GAP43: variants seen among roughly 807,000 people sequenced by gnomAD.
GAP43 encodes the protein growth associated protein 43.
GAP43 carries 6 observed loss-of-function variants against 18.6 expected under a neutral mutation model. That is an observed-to-expected ratio of 0.32 (90% confidence interval 0.18 to 0.64). GAP43 has a LOEUF of 0.64. GAP43 is among the 30% of genes least tolerant of loss of function. GAP43 has a pLI of 0.78. For synonymous variants in GAP43, 115 were observed against 111.4 expected (o/e 1.03, Z -0.20); for missense variants, 292 against 295.5 (o/e 0.99, Z 0.09).
At position 115,644,491 on chromosome 3, in the gene GAP43, C is replaced by T. The variant is rs1036785262; in HGVS notation, c.30+20772C>T. Among the ~76,000 whole-genome samples the T allele has an allele frequency of 9.2e-5, 14 of 151,994 alleles. No individual in the cohort carries two copies. Among genetic ancestry groups the T allele is most frequent in the Admixed American group, 2.6e-4 (4 of 15,230 alleles). ...AGAGCATCCATTCCACACCCTATTT[C>T]CATTCCCAGTTAATCTTCAAAGAGT... On this transcript the variant is annotated intron_variant, in intron 1 of 2. Coordinates refer to ENST00000305124, the MANE Select transcript of GAP43 (RefSeq NM_002045.4). The surrounding 1 kb of genome is among the most constrained non-coding windows in gnomAD (Gnocchi z 4.2).
intron 1 of GAP43, among the ~76,000 whole-genome samples, chr3:115,669,932 C>T (rs529980317): frequency 3.3e-4 from 50 of 151,006 alleles, no homozygotes; most frequent in African/African-American, 9.2e-4. Context: ...TTGGGGGATC[C>T]GGTGTATGCC....
In GAP43 at chr3:115,633,024, G is replaced by A. The variant is rs80346594; in HGVS notation, c.30+9305G>A. ...CTATAAAAGGAATTTATTGGAAAAA[G>A]AAAAAAAGCAGCGATCATATGAAAT... On this transcript the variant is annotated intron_variant, in intron 1 of 2. Transcript: ENST00000305124. Among the ~76,000 whole-genome samples, 67 of 90,128 alleles carry A rather than the reference G, an allele frequency of 7.4e-4. 1 individual carries two copies. The highest frequency in any genetic ancestry group is 9.9e-4 in the African/African-American group (25 of 25,364). The allele number at this position is 90,128 out of a possible 152,430, so 59.1% of individuals were successfully genotyped here.
intron 1 of GAP43, among the ~76,000 whole-genome samples, chr3:115,662,670 G>A (rs1355497535): frequency 1.3e-5 from 2 of 152,152 alleles, no homozygotes; most frequent in Non-Finnish European, 2.9e-5. Flanking sequence ...AGAGTCTCCA[G>A]GACTTTTTAT....
At chr3:115,708,840 A>G (rs892719563) in intron 2 of GAP43, among the ~76,000 whole-genome samples, 10 of 152,032 alleles carry the variant, frequency 6.6e-5, no homozygotes, top group Admixed American at 2.6e-4. Flanking sequence ...AGCATCTACT[A>G]CAAGGAATGT....
At chr3:115,637,527 T>C (rs897037522) in intron 1 of GAP43, among the ~76,000 whole-genome samples, 1 of 152,096 alleles carries the variant, frequency 6.6e-6, no homozygotes, top group Admixed American at 6.6e-5. Context: ...TTTTTTCCCA[T>C]GCTTGGCTTC....
rs1437161926 is a variant in GAP43, at chr3:115,679,943, C to T, written c.628+3333C>T. On this transcript the variant is annotated intron_variant, in intron 2 of 2. Coordinates refer to ENST00000305124, the MANE Select transcript of GAP43 (RefSeq NM_002045.4). Reference sequence around the variant, plus strand: ...AGTACATCTTGCAAATTGATGCCATCAGTAATGATCAAGAAAAGAGGGAGG... The same window carrying T: ...AGTACATCTTGCAAATTGATGCCATTAGTAATGATCAAGAAAAGAGGGAGG... Among the ~76,000 whole-genome samples the T allele has an allele frequency of 2.6e-5, 4 of 152,128 alleles. No homozygotes were observed. In the East Asian group the frequency reaches 7.7e-4, roughly 29 times the overall value.
chr3:115,663,877 T>G lies in GAP43; in HGVS notation c.31-12136T>G, dbSNP rs777715681. 4 of 1,552,152 alleles carry G rather than the reference T, an allele frequency of 2.6e-6. No individual in the cohort carries two copies. The South Asian group carries it at 4.8e-5, about 18-fold the overall frequency. On this transcript the variant is annotated intron_variant, in intron 1 of 2. Transcript: ENST00000305124. ...ATCTTCAGAGAGCAGTTCGACCTAG[T>G]CCTTATTCACTTGGCTTCTTGACTT... is the stretch of plus-strand genomic sequence containing the variant.
At chr3:115,650,769 T>A (rs1002318885) in intron 1 of GAP43, among the ~76,000 whole-genome samples, 1 of 152,156 alleles carries the variant, frequency 6.6e-6, no homozygotes, top group South Asian at 2.1e-4. Context: ...AATCATACTC[T>A]AGTCTTTTCT....
chr3:115,674,308 G>T (rs1045386874), intron 1 of GAP43, among the ~76,000 whole-genome samples: 13 of 152,294 alleles, frequency 8.5e-5, no homozygotes, highest in African/African-American at 2.9e-4. Context: ...TCAAGTTAAA[G>T]AAATCTAAGA....
intron 1 of GAP43, among the ~76,000 whole-genome samples, chr3:115,639,326 G>A (rs541662644): frequency 8.7e-4 from 133 of 152,160 alleles, no homozygotes; most frequent in African/African-American, 2.4e-3. Context: ...AAAGATAGCC[G>A]TCCTTGACAC....
At chr3:115,659,150 T>G (rs1708625610) in intron 1 of GAP43, among the ~76,000 whole-genome samples, 1 of 152,098 alleles carries the variant, frequency 6.6e-6, no homozygotes, top group African/African-American at 2.4e-5. Flanking sequence ...AAGGTTTCTT[T>G]GTCAGCAAAA....
At chr3:115,637,940 TCA>T (rs996849516) in intron 1 of GAP43, among the ~76,000 whole-genome samples, 3 of 152,092 alleles carry the variant, frequency 2.0e-5, no homozygotes, top group African/African-American at 7.2e-5. Context: ...AAAAACCTTT[TCA>T]TTCCTTCCTT....
At chr3:115,631,442 CA>C (rs1708259042) in intron 1 of GAP43, among the ~76,000 whole-genome samples, 1 of 152,180 alleles carries the variant, frequency 6.6e-6, no homozygotes, top group African/African-American at 2.4e-5. Context: ...AAAGAGATAA[CA>C]ATAAAAGTGT....
chr3:115,624,332 C>G (rs1241841251), intron 1 of GAP43, among the ~76,000 whole-genome samples: 3 of 150,728 alleles, frequency 2.0e-5, no homozygotes, highest in Non-Finnish European at 4.4e-5. Context: ...GCTAAGACAA[C>G]TGGGGCTGGG....
At chr3:115,691,824 T>A (rs1709118940) in intron 2 of GAP43, among the ~76,000 whole-genome samples, 1 of 152,188 alleles carries the variant, frequency 6.6e-6, no homozygotes, top group African/African-American at 2.4e-5. Context: ...AGGGTTAATT[T>A]GGGCTTCATG....
At chr3:115,713,982 C>T (rs1484705095) in intron 2 of GAP43, among the ~76,000 whole-genome samples, 3 of 152,210 alleles carry the variant, frequency 2.0e-5, no homozygotes, top group Non-Finnish European at 4.4e-5. Flanking sequence ...CTGAGTGCTT[C>T]TTATCTAGCT....
At position 115,698,177 on chromosome 3, in the gene GAP43, A is replaced by ATATT. The variant is rs1327412159; in HGVS notation, c.628+21567_628+21568insTATT. ...ATATAATATATAAAATATATTAAAT[A>ATATT]ATATATATATTAAATATATATTATA... On this transcript the variant is annotated intron_variant, in intron 2 of 2. Transcript: ENST00000305124. Among the ~76,000 whole-genome samples, 4 of 44,354 alleles carry ATATT rather than the reference A, an allele frequency of 9.0e-5. 1 individual carries two copies. In the East Asian group the frequency reaches 3.2e-3, roughly 36 times the overall value. The allele number at this position is 44,354 out of a possible 152,430, so 29.1% of individuals were successfully genotyped here. A position where few individuals can be genotyped will look rare whatever the true frequency, so the allele number is the denominator to read the frequency against.
At chr3:115,710,013 C>A (rs1475346713) in intron 2 of GAP43, among the ~76,000 whole-genome samples, 3 of 152,064 alleles carry the variant, frequency 2.0e-5, no homozygotes, top group African/African-American at 7.2e-5. Context: ...TAGTATATTG[C>A]ACAGTATCCA....
intron 2 of GAP43, among the ~76,000 whole-genome samples, chr3:115,694,047 G>T (rs1709151215): frequency 6.6e-6 from 1 of 152,034 alleles, no homozygotes; most frequent in South Asian, 2.1e-4. Flanking sequence ...GCTGGCGGAG[G>T]GTGGAGGAGA....
Sources: allele counts gnomAD v4.1 joint callset (sites outside exome capture counted in the v4.1 genomes callset), GRCh38; gene constraint gnomAD v4.1.1; non-coding constraint Gnocchi (gnomAD v3.1); transcripts MANE v1.5; gene names NCBI Gene and HGNC (gene_info 2026-07-23, HGNC 2026-07-21).